The following PLAC1 variants were observed in gnomAD, a reference collection of about 807,000 sequenced individuals.
The protein encoded by PLAC1 is placenta associated 1, also known as placenta-specific protein 1.
For missense variants in PLAC1, 136 were observed against 163.2 expected (o/e 0.83, Z 0.91); for synonymous variants, 68 against 62.1 (o/e 1.09, Z -0.44).
chrX:134,701,680 G>A (rs1438590314), intron 2 of PLAC1, among the ~76,000 whole-genome samples: 1 of 111,949 alleles, frequency 8.9e-6, no homozygotes, highest in East Asian at 2.8e-4. Context: ...ACAAATATTC[G>A]AAAAAATACT....
At chrX:134,659,835 C>T (rs1438670151), upstream of PLAC1, among the ~76,000 whole-genome samples, 1 of 111,872 alleles carries the variant, frequency 8.9e-6, no homozygotes, top group African/African-American at 3.2e-5. Flanking sequence ...GATACTGAAA[C>T]TGAAGAACAG....
chrX:134,615,752 G>T (rs73566624), intron 1 of PLAC1, among the ~76,000 whole-genome samples: 12,540 of 110,879 alleles, frequency 0.11, 1,762 homozygotes, highest in African/African-American at 0.39. Flanking sequence ...GAGTTGATTT[G>T]TATGTATGGT....
chrX:134,649,264 CAA>C (rs898452361), intron 1 of PLAC1, among the ~76,000 whole-genome samples: 18 of 40,310 alleles, frequency 4.5e-4, no homozygotes, highest in African/African-American at 6.8e-4. Flanking sequence ...GACTCCATCT[CAA>C]AAAAAAAAAA....
rs977281882 is a variant in PLAC1, at chrX:134,743,562, A to G, written n.90-10043T>C. Among the ~76,000 whole-genome samples the G allele has an allele frequency of 7.3e-4, 82 of 112,311 alleles. 1 individual carries two copies. Among genetic ancestry groups the G allele is most frequent in the African/African-American group, 2.6e-3 (79 of 30,937 alleles). ...GAAAATAAAGACGTAGTAAAAAACC[A>G]AAAGAAACATAAGTTACAGCAAAGA... On this transcript the variant is annotated intron_variant and non_coding_transcript_variant, in intron 1 of 2. Transcript: ENST00000466797.
intron 2 of PLAC1, among the ~76,000 whole-genome samples, chrX:134,590,058 G>T (rs926858420): frequency 9.1e-6 from 1 of 109,794 alleles, no homozygotes; most frequent in Non-Finnish European, 1.9e-5. Context: ...AGCCGGGCGT[G>T]GTGGTACGTG....
At chrX:134,606,385 A>G (rs2078122960) in intron 1 of PLAC1, 1 of 111,983 alleles carries the variant, frequency 8.9e-6, no homozygotes, top group Admixed American at 9.5e-5. Flanking sequence ...AATGCTTAAA[A>G]ATATAGCTTT....
At chrX:134,614,459 A>G (rs912033931) in intron 1 of PLAC1, among the ~76,000 whole-genome samples, 2 of 111,124 alleles carry the variant, frequency 1.8e-5, no homozygotes, top group Admixed American at 9.6e-5. Context: ...AATTCTACAT[A>G]TAAGTGAGAT....
intron 1 of PLAC1, among the ~76,000 whole-genome samples, chrX:134,634,853 CAT>C (rs2124420504): frequency 8.9e-6 from 1 of 112,150 alleles, no homozygotes; most frequent in South Asian, 3.7e-4. Flanking sequence ...ATTGTGTAGA[CAT>C]ATGTTTTCAC....
At chrX:134,712,714 T>A (rs2078631674) in intron 2 of PLAC1, among the ~76,000 whole-genome samples, 1 of 111,379 alleles carries the variant, frequency 9.0e-6, no homozygotes, top group Non-Finnish European at 1.9e-5. Context: ...TATCTACCCA[T>A]CCTGCCTCTC....
At chrX:134,593,352 ATTC>A (rs1009567094) in intron 2 of PLAC1, among the ~76,000 whole-genome samples, 1 of 111,844 alleles carries the variant, frequency 8.9e-6, no homozygotes, top group Admixed American at 9.5e-5. Context: ...CTCCCACTTT[ATTC>A]TTCTTTTTCA....
At chrX:134,617,732 C>T (rs2078191456) in intron 1 of PLAC1, among the ~76,000 whole-genome samples, 1 of 112,103 alleles carries the variant, frequency 8.9e-6, no homozygotes, top group Non-Finnish European at 1.9e-5. Flanking sequence ...ATTCTTGCCA[C>T]ACCAATCTGA....
At chrX:134,699,053 G>T (rs933359287) in intron 2 of PLAC1, among the ~76,000 whole-genome samples, 10 of 110,796 alleles carry the variant, frequency 9.0e-5, no homozygotes, top group Non-Finnish European at 1.5e-4. Flanking sequence ...CTACCTTTTT[G>T]TCTACATTTA....
intron 1 of PLAC1, among the ~76,000 whole-genome samples, chrX:134,637,231 A>T (rs2124422637): frequency 9.0e-6 from 1 of 111,556 alleles, no homozygotes; most frequent in African/African-American, 3.3e-5. Flanking sequence ...GTGTGTAGCC[A>T]TAGGGGTGCA....
intron 1 of PLAC1, among the ~76,000 whole-genome samples, chrX:134,610,976 G>A (rs1047627365): frequency 9.0e-6 from 1 of 110,651 alleles, no homozygotes; most frequent in Non-Finnish European, 1.9e-5. Flanking sequence ...GCTTATAGGT[G>A]TGCATCCTCC....
chrX:134,603,229 G>A lies in PLAC1; in HGVS notation c.-130-1107C>T, dbSNP rs183477155. Among the ~76,000 whole-genome samples the A allele has an allele frequency of 4.4e-3, 365 of 83,571 alleles. 4 individuals carry two copies. Among genetic ancestry groups the A allele is most frequent in the African/African-American group, 0.015 (349 of 23,002 alleles). 72.6% of individuals were successfully genotyped at this position (83,571 alleles called of 115,157 possible). A position where few individuals can be genotyped will look rare whatever the true frequency, so the allele number is the denominator to read the frequency against. On this transcript the variant is annotated intron_variant, in intron 1 of 2. Transcript: ENST00000359237. Reference sequence around the variant, plus strand: ...TGGGACTGGGGATGGGGAGGAGTGGGGCAGAGAACTGTTGTTTTTTATTAT... The same window carrying A: ...TGGGACTGGGGATGGGGAGGAGTGGAGCAGAGAACTGTTGTTTTTTATTAT...
At chrX:134,659,883 A>G (rs990573237), upstream of PLAC1, among the ~76,000 whole-genome samples, 1 of 111,704 alleles carries the variant, frequency 9.0e-6, no homozygotes, top group African/African-American at 3.2e-5. Flanking sequence ...CACAGGTACT[A>G]AGTGGCAGAG....
rs753569853 is a variant in PLAC1, at chrX:134,720,263, T to C, written n.174+13172A>G. Among the ~76,000 whole-genome samples, 3 of 112,067 alleles carry C rather than the reference T, an allele frequency of 2.7e-5. No homozygotes were observed. The East Asian group carries it at 8.3e-4, about 31-fold the overall frequency. Reference sequence around the variant, plus strand: ...ATTTGCAATAAAATAATAAACTAATTAGAAATAAATTTAACAAATGAAGTG... The same window carrying C: ...ATTTGCAATAAAATAATAAACTAATCAGAAATAAATTTAACAAATGAAGTG... On this transcript the variant is annotated intron_variant and non_coding_transcript_variant, in intron 2 of 2. Transcript: ENST00000466797.
chrX:134,652,180 G>C (rs764871198), intron 1 of PLAC1, among the ~76,000 whole-genome samples: 1 of 111,649 alleles, frequency 9.0e-6, no homozygotes, highest in Non-Finnish European at 1.9e-5. Context: ...AGGCAGACTC[G>C]GAAAAGAGCT....
At chrX:134,758,165 G>GA (rs201860917) in intron 1 of PLAC1, among the ~76,000 whole-genome samples, 4,128 of 103,753 alleles carry the variant, frequency 0.04, 198 homozygotes, top group African/African-American at 0.13. Context: ...TAGACAAATG[G>GA]AAAAAAAAAA....
Sources: gnomAD v4.1 joint callset for allele counts (sites outside exome capture counted in the v4.1 genomes callset) on GRCh38, gnomAD v4.1.1 for gene constraint, MANE v1.5 for transcripts, NCBI Gene and HGNC (gene_info 2026-07-23, HGNC 2026-07-21) for gene names.